The following NRF1 variants were observed in gnomAD, a reference collection of about 807,000 sequenced individuals.
NRF1 encodes nuclear respiratory factor 1, also known as alpha palindromic-binding protein.
NRF1 carries 5 observed loss-of-function variants against 58.5 expected under a neutral mutation model. That is an observed-to-expected ratio of 0.09 (90% CI 0.04 to 0.18). The LOEUF is 0.18. Ranked by LOEUF, NRF1 falls within the 10% of genes least tolerant of loss-of-function variation. The pLI, the probability that NRF1 is intolerant of heterozygous loss-of-function variation, is 1.00. For missense variants in NRF1, 288 were observed against 657.7 expected (o/e 0.44, Z 6.15); for synonymous variants, 224 against 246.7 (o/e 0.91, Z 0.86).
chr7:129,632,538 A>G (rs1314111007), intron 1 of NRF1, among the ~76,000 whole-genome samples: 2 of 152,010 alleles, frequency 1.3e-5, no homozygotes, highest in South Asian at 2.1e-4. Context: ...TCCCCATCCT[A>G]GTCCTCTCCC....
intron 1 of NRF1, among the ~76,000 whole-genome samples, chr7:129,649,717 A>G (rs78890318): frequency 0.025 from 3,730 of 151,892 alleles, 53 homozygotes; most frequent in Middle Eastern, 0.075. Flanking sequence ...CCCTACCCCA[A>G]CCTCTTGTAG....
intron 5 of NRF1, among the ~76,000 whole-genome samples, chr7:129,691,022 T>A (rs1437767746): frequency 6.6e-6 from 1 of 152,180 alleles, no homozygotes; most frequent in Non-Finnish European, 1.5e-5. Context: ...TTCTGAGTCG[T>A]TGATTTCCTC....
intron 4 of NRF1, among the ~76,000 whole-genome samples, chr7:129,683,288 A>AGTGT (rs35691853): frequency 0.24 from 32,955 of 139,610 alleles, 4,880 homozygotes; most frequent in Non-Finnish European, 0.34. Context: ...TCATGTGGAG[A>AGTGT]GTGTGTGTGT....
chr7:129,683,451 T>C (rs553552151), intron 4 of NRF1, among the ~76,000 whole-genome samples: 2 of 151,594 alleles, frequency 1.3e-5, no homozygotes, highest in South Asian at 4.2e-4. Context: ...TGCTTCAGCC[T>C]CCTGAGTAGC....
chr7:129,715,809 A>G (rs1803173525), intron 8 of NRF1, among the ~76,000 whole-genome samples: 1 of 152,166 alleles, frequency 6.6e-6, no homozygotes, highest in South Asian at 2.1e-4. Context: ...GTTCAAGACC[A>G]GCTTAACCAA....
At chr7:129,652,275 A>G (rs1378275617) in intron 1 of NRF1, among the ~76,000 whole-genome samples, 1 of 152,214 alleles carries the variant, frequency 6.6e-6, no homozygotes, top group African/African-American at 2.4e-5. Flanking sequence ...ATTTTTTGGT[A>G]AACTCCAGAT....
chr7:129,708,292 A>G (rs899089777), intron 5 of NRF1, among the ~76,000 whole-genome samples: 1 of 152,262 alleles, frequency 6.6e-6, no homozygotes, highest in East Asian at 1.9e-4. Context: ...CAACACACAC[A>G]GAGTGTGGTT....
intron 10 of NRF1, among the ~76,000 whole-genome samples, chr7:129,731,539 A>G (rs1055008236): frequency 2.6e-5 from 4 of 152,188 alleles, no homozygotes; most frequent in African/African-American, 9.6e-5. Flanking sequence ...ATTTTCACAG[A>G]TGCCTTTTCA....
chr7:129,719,949 A>C (rs1562982395), intron 9 of NRF1, among the ~76,000 whole-genome samples: 1 of 152,140 alleles, frequency 6.6e-6, no homozygotes. Context: ...AACTCTGTAC[A>C]TAGTGGAAAA....
At chr7:129,650,692 A>G (rs1480693539) in intron 1 of NRF1, among the ~76,000 whole-genome samples, 1 of 152,020 alleles carries the variant, frequency 6.6e-6, no homozygotes, top group Non-Finnish European at 1.5e-5. Flanking sequence ...ATCTCATTTA[A>G]TCCTCATATC....
At chr7:129,691,414 G>A (rs1388958821) in intron 5 of NRF1, among the ~76,000 whole-genome samples, 1 of 149,386 alleles carries the variant, frequency 6.7e-6, no homozygotes, top group East Asian at 2.0e-4. Flanking sequence ...CAGGCTGGAG[G>A]GCAGTGGTGT....
chr7:129,654,504 G>A lies in NRF1; in HGVS notation c.-6-2842G>A, dbSNP rs150185062. Among the ~76,000 whole-genome samples the A allele has an allele frequency of 2.7e-3, 412 of 152,088 alleles. 3 individuals carry two copies. Among genetic ancestry groups the A allele is most frequent in the African/African-American group, 9.5e-3 (395 of 41,472 alleles). On this transcript the variant is annotated intron_variant, in intron 1 of 10. Coordinates refer to ENST00000393232, the MANE Select transcript of NRF1 (RefSeq NM_005011.5). ...TCGATTTTTTGCTTTTATGGATTGC[G>A]CCTTTGGCATTGTATCTTAAAAGTC...
chr7:129,626,446 A>G (rs1800921540), intron 1 of NRF1, among the ~76,000 whole-genome samples: 1 of 152,182 alleles, frequency 6.6e-6, no homozygotes, highest in Admixed American at 6.5e-5. Flanking sequence ...GGCTCATTAA[A>G]CTTAGAATTG....
intron 10 of NRF1, among the ~76,000 whole-genome samples, chr7:129,744,498 T>C (rs545246568): frequency 2.1e-4 from 32 of 152,280 alleles, no homozygotes; most frequent in Admixed American, 4.6e-4. Flanking sequence ...GCAGTGGCTA[T>C]TCCCAGACTA....
At chr7:129,668,258 C>G (rs1007411302) in intron 2 of NRF1, among the ~76,000 whole-genome samples, 1 of 152,066 alleles carries the variant, frequency 6.6e-6, no homozygotes, top group Non-Finnish European at 1.5e-5. Flanking sequence ...ATTTGTCTAT[C>G]CCTGAGTCAG....
At chr7:129,748,865 A>G (rs1487051566) in intron 10 of NRF1, among the ~76,000 whole-genome samples, 1 of 152,242 alleles carries the variant, frequency 6.6e-6, no homozygotes, top group Admixed American at 6.5e-5. Flanking sequence ...AAATTTCATT[A>G]CACAATAGGC....
chr7:129,733,980 G>A (rs1419183215), intron 10 of NRF1, among the ~76,000 whole-genome samples: 3 of 151,840 alleles, frequency 2.0e-5, no homozygotes, highest in African/African-American at 7.3e-5. Flanking sequence ...CCAAGATCAT[G>A]CCGCTGCACT....
At chr7:129,689,011 G>T (rs1308496588) in intron 4 of NRF1, among the ~76,000 whole-genome samples, 1 of 152,154 alleles carries the variant, frequency 6.6e-6, no homozygotes, top group Non-Finnish European at 1.5e-5. Flanking sequence ...ATCCTGTAAA[G>T]TTGCTGTGGC....
At chr7:129,721,884 G>A (rs1260394141) in intron 9 of NRF1, among the ~76,000 whole-genome samples, 1 of 152,142 alleles carries the variant, frequency 6.6e-6, no homozygotes, top group African/African-American at 2.4e-5. Context: ...AATAAAATGG[G>A]ATGGAAAACT....
Sources: gnomAD v4.1 joint callset for allele counts (sites outside exome capture counted in the v4.1 genomes callset) on GRCh38, gnomAD v4.1.1 for gene constraint, MANE v1.5 for transcripts, NCBI Gene and HGNC (gene_info 2026-07-23, HGNC 2026-07-21) for gene names.